Variants in KSR2 observed in about 807,000 individuals in gnomAD.
KSR2 encodes kinase suppressor of ras 2.
In KSR2, 25 loss-of-function variants were observed where a neutral mutation model predicts 107.8. The observed-to-expected ratio is 0.23, with a 90% CI of 0.17 to 0.32. The LOEUF (loss-of-function observed/expected upper bound fraction) is 0.32. Ranked by LOEUF, KSR2 falls within the 10% of genes least tolerant of loss-of-function variation. The probability of loss-of-function intolerance (pLI) is 1.00; values close to 1 mark genes in which losing one functional copy is unlikely to be tolerated. For synonymous variants in KSR2, 480 were observed against 507.0 expected (o/e 0.95, Z 0.71); for missense variants, 887 against 1,268.9 (o/e 0.70, Z 4.57).
intron 3 of KSR2, among the ~76,000 whole-genome samples, chr12:117,835,671 G>A (rs1155759): frequency 0.24 from 36,210 of 151,936 alleles, 5,111 homozygotes; most frequent in Middle Eastern, 0.37. Flanking sequence ...ATTTTTGATG[G>A]TCACTACCAG....
rs1449142452 is a variant in KSR2 at position 117,721,810 on chromosome 12, C to T, written c.986+39201G>A. 3.3e-5 allele frequency among the ~76,000 whole-genome samples: 5 copies of T among 152,186 alleles called. No individual in the cohort carries two copies. In the South Asian group the frequency reaches 6.2e-4, roughly 19 times the overall value. The stretch of plus-strand genomic sequence containing the variant: ...GCATCTCATGGCCATCCACTGGTAC[C>T]ACCCTTTAAGCAGAGGGAGGTGGGG... On this transcript the variant is annotated intron_variant, in intron 4 of 19. Coordinates refer to ENST00000339824, the MANE Select transcript of KSR2 (RefSeq NM_173598.6).
At chr12:117,786,581 C>T (rs1890081616) in intron 3 of KSR2, among the ~76,000 whole-genome samples, 1 of 152,026 alleles carries the variant, frequency 6.6e-6, no homozygotes, top group Non-Finnish European at 1.5e-5. Context: ...TTTGGGAGGC[C>T]GAGGCAGGCA....
chr12:117,675,746 G>A (rs1049121803), intron 4 of KSR2, among the ~76,000 whole-genome samples: 13 of 152,104 alleles, frequency 8.5e-5, no homozygotes, highest in Non-Finnish European at 1.5e-4. Context: ...GCCTTTACCC[G>A]GCCAAATCCC....
intron 1 of KSR2, among the ~76,000 whole-genome samples, chr12:117,952,239 TTAAC>T (rs1331019690): frequency 2.0e-5 from 3 of 151,998 alleles, no homozygotes; most frequent in African/African-American, 4.8e-5. Context: ...GATGAATGTG[TTAAC>T]TAACTTGATT....
chr12:117,736,309 T>G (rs1464278372), intron 4 of KSR2, among the ~76,000 whole-genome samples: 1 of 152,176 alleles, frequency 6.6e-6, no homozygotes, highest in Non-Finnish European at 1.5e-5. Context: ...ATTTCACAGC[T>G]TTCTCTCCTT....
At chr12:117,617,955 AG>A (rs1260795243) in intron 5 of KSR2, among the ~76,000 whole-genome samples, 4 of 152,212 alleles carry the variant, frequency 2.6e-5, no homozygotes, top group Non-Finnish European at 5.9e-5. Flanking sequence ...AAGAAGATCA[AG>A]TCCATGTTTA....
intron 4 of KSR2, among the ~76,000 whole-genome samples, chr12:117,692,546 A>T (rs10774951): frequency 8.3e-6 from 1 of 120,294 alleles, no homozygotes; most frequent in Non-Finnish European, 1.7e-5. Context: ...ATATATACAC[A>T]TACATATATA....
chr12:117,925,289 AAGTTTTGTATTTTT>A (rs1895478741), intron 1 of KSR2, among the ~76,000 whole-genome samples: 1 of 151,230 alleles, frequency 6.6e-6, no homozygotes, highest in African/African-American at 2.4e-5. Flanking sequence ...ATGCCCAGCT[AAGTTTTGTATTTTT>A]AGTGGAGATG....
intron 3 of KSR2, among the ~76,000 whole-genome samples, chr12:117,808,020 G>A (rs1204270658): frequency 6.6e-6 from 1 of 152,132 alleles, no homozygotes; most frequent in African/African-American, 2.4e-5. Context: ...TAATTATGTT[G>A]AACTTTCATA....
In KSR2 at chr12:117,534,197, G is replaced by C. The variant is rs372929184; in HGVS notation, c.1688-2490C>G. 2.2e-4 allele frequency among the ~76,000 whole-genome samples: 33 copies of C among 152,200 alleles called. 2 individuals carry two copies. In the East Asian group the frequency reaches 5.8e-3, roughly 27 times the overall value. ...GGCCTCCCAAGAGAGCAGCCAGAGT[G>C]GTCTTCTAGAAGGAAGGAAGAAAGG... is the stretch of plus-strand genomic sequence containing the variant. On this transcript the variant is annotated intron_variant, in intron 10 of 19. Transcript: ENST00000339824.
rs143092081 is a variant in KSR2, at chr12:117,967,239, C to G, written c.180+837G>C. ...CACCCTTCATCCCATCCCACTCCCC[C>G]AAAAAACTGTTTCAAACTCCCCCTC... On this transcript the variant is annotated intron_variant, in intron 1 of 19. Transcript: ENST00000339824. Among the ~76,000 whole-genome samples the G allele has an allele frequency of 2.0e-5, 3 of 152,084 alleles. No homozygotes were observed. In the East Asian group the frequency reaches 5.8e-4, roughly 29 times the overall value.
At chr12:117,793,984 A>T (rs111070465) in intron 3 of KSR2, among the ~76,000 whole-genome samples, 1 of 120,558 alleles carries the variant, frequency 8.3e-6, no homozygotes. Flanking sequence ...CACCATGCAC[A>T]CATACACCAA....
At chr12:117,883,018 TTCATCCAACCAC>T (rs1894074681) in intron 1 of KSR2, among the ~76,000 whole-genome samples, 1 of 151,978 alleles carries the variant, frequency 6.6e-6, no homozygotes, top group South Asian at 2.1e-4. Context: ...CATCCATCCA[TTCATCCAACCAC>T]TCATCCATCC....
intron 3 of KSR2, among the ~76,000 whole-genome samples, chr12:117,816,544 C>T (rs1891375568): frequency 6.6e-6 from 1 of 152,204 alleles, no homozygotes; most frequent in Admixed American, 6.5e-5. Context: ...TTTTCTTAGT[C>T]ATCATAGAAC....
intron 4 of KSR2, among the ~76,000 whole-genome samples, chr12:117,731,305 C>T (rs1353103546): frequency 2.7e-5 from 4 of 148,226 alleles, no homozygotes; most frequent in African/African-American, 1.0e-4. Flanking sequence ...GGAGCGTCTC[C>T]GCCCAGCAGC....
At chr12:117,500,681 A>G (rs1385793171) in intron 14 of KSR2, among the ~76,000 whole-genome samples, 1 of 152,238 alleles carries the variant, frequency 6.6e-6, no homozygotes, top group Non-Finnish European at 1.5e-5. Flanking sequence ...AGCTCCTGAG[A>G]TAAGCCTTGT....
intron 3 of KSR2, among the ~76,000 whole-genome samples, chr12:117,769,265 A>G (rs1889352743): frequency 6.6e-6 from 1 of 151,778 alleles, no homozygotes; most frequent in East Asian, 1.9e-4. Context: ...CATCACGTTC[A>G]CCTACTGTTC....
rs1871080828 is a variant in KSR2, at chr12:117,465,076, C to T, written c.*2123G>A. On this transcript the variant is annotated 3_prime_UTR_variant, in exon 20 of 20. Coordinates refer to ENST00000339824, the MANE Select transcript of KSR2 (RefSeq NM_173598.6). Reference sequence around the variant, plus strand: ...TTGGCACAAGGGAACATGACAAGGACTGGAGCCTGTGGACCCAAGAAGTCC... The same window carrying T: ...TTGGCACAAGGGAACATGACAAGGATTGGAGCCTGTGGACCCAAGAAGTCC... The T allele has an allele frequency of 1.3e-5, 2 of 152,260 alleles. No homozygotes were observed. The highest frequency in any genetic ancestry group is 4.8e-5 in the African/African-American group (2 of 41,442). 9.4% of individuals were successfully genotyped at this position (152,260 alleles called of 1,614,324 possible). A position where few individuals can be genotyped will look rare whatever the true frequency, so the allele number is the denominator to read the frequency against.
intron 1 of KSR2, among the ~76,000 whole-genome samples, chr12:117,934,918 TG>T (rs1895794913): frequency 6.6e-6 from 1 of 151,978 alleles, no homozygotes; most frequent in Admixed American, 6.6e-5. Flanking sequence ...CTTGAACTCC[TG>T]GGTTCAAGGG....
Sources: allele counts gnomAD v4.1 joint callset (sites outside exome capture counted in the v4.1 genomes callset), GRCh38; gene constraint gnomAD v4.1.1; transcripts MANE v1.5; gene names NCBI Gene and HGNC (gene_info 2026-07-23, HGNC 2026-07-21).